KIAA1217: variants seen among roughly 807,000 people sequenced by gnomAD.
KIAA1217 encodes KIAA1217.
KIAA1217 carries 88 observed loss-of-function variants against 163.9 expected under a neutral mutation model. The ratio of observed to expected loss-of-function variants is 0.54; its 90% CI spans 0.45 to 0.64. KIAA1217 has a LOEUF of 0.64. KIAA1217 is among the 30% of genes least tolerant of loss of function. The pLI is 0.00. For synonymous variants in KIAA1217, 903 were observed against 923.1 expected (o/e 0.98, Z 0.39); for missense variants, 2,372 against 2,475.0 (o/e 0.96, Z 0.88).
intron 2 of KIAA1217, among the ~76,000 whole-genome samples, chr10:24,291,508 C>T (rs145943010): frequency 6.6e-6 from 1 of 152,218 alleles, no homozygotes; most frequent in East Asian, 1.9e-4. Flanking sequence ...CCAGCTTGGG[C>T]AACAAGAGTG....
chr10:24,088,811 G>A (rs149945385), intron 2 of KIAA1217, among the ~76,000 whole-genome samples: 2,011 of 124,544 alleles, frequency 0.016, 605 homozygotes, highest in Middle Eastern at 0.054. Flanking sequence ...TATATATCCA[G>A]TAATGGGATG....
chr10:23,781,695 T>C (rs1393659371), intron 1 of KIAA1217, among the ~76,000 whole-genome samples: 1 of 152,226 alleles, frequency 6.6e-6, no homozygotes. Flanking sequence ...GAGAGTTCTG[T>C]GGCTTCAGAT....
At chr10:24,414,499 G>A (rs1377586760) in intron 3 of KIAA1217, among the ~76,000 whole-genome samples, 1 of 152,156 alleles carries the variant, frequency 6.6e-6, no homozygotes, top group Non-Finnish European at 1.5e-5. Flanking sequence ...TACTTATAGG[G>A]TTGATTGCTT....
intron 1 of KIAA1217, among the ~76,000 whole-genome samples, chr10:23,792,275 C>T (rs796146375): frequency 6.6e-6 from 1 of 152,128 alleles, no homozygotes; most frequent in Non-Finnish European, 1.5e-5. Flanking sequence ...CCAAGCTATG[C>T]TTTAGATGTC....
chr10:24,303,924 T>C (rs1472839279), intron 2 of KIAA1217, among the ~76,000 whole-genome samples: 1 of 152,160 alleles, frequency 6.6e-6, no homozygotes, highest in African/African-American at 2.4e-5. Flanking sequence ...AAAAAGACCA[T>C]TGGAAAGAAA....
intron 2 of KIAA1217, among the ~76,000 whole-genome samples, chr10:24,295,112 T>C (rs1233734565): frequency 6.6e-6 from 1 of 152,220 alleles, no homozygotes; most frequent in Admixed American, 6.5e-5. Flanking sequence ...TAAGACCTCC[T>C]CTTCTGAGAA....
intron 2 of KIAA1217, among the ~76,000 whole-genome samples, chr10:24,268,003 T>C (rs1486527590): frequency 6.6e-6 from 1 of 152,214 alleles, no homozygotes; most frequent in Non-Finnish European, 1.5e-5. Flanking sequence ...AACTGGCCCT[T>C]TAACTTTGTT....
chr10:24,014,160 G>T (rs1376237227), intron 2 of KIAA1217, among the ~76,000 whole-genome samples: 1 of 151,994 alleles, frequency 6.6e-6, no homozygotes, highest in South Asian at 2.1e-4. Context: ...CTGTCTCCTG[G>T]CTACCCAGAA....
chr10:24,240,462 T>C (rs914126645), intron 2 of KIAA1217, among the ~76,000 whole-genome samples: 3 of 152,236 alleles, frequency 2.0e-5, no homozygotes, highest in Non-Finnish European at 4.4e-5. Context: ...AGTTAGATAA[T>C]GTGGATTAAT....
intron 8 of KIAA1217, among the ~76,000 whole-genome samples, chr10:24,498,454 A>G (rs1255056979): frequency 2.0e-5 from 3 of 152,188 alleles, no homozygotes; most frequent in African/African-American, 4.8e-5. Context: ...TGAAGGAGCT[A>G]TGACATGTAC....
chr10:24,347,721 G>C (rs2047963309), intron 2 of KIAA1217, among the ~76,000 whole-genome samples: 1 of 152,132 alleles, frequency 6.6e-6, no homozygotes, highest in Admixed American at 6.5e-5. Flanking sequence ...TACATTAAAA[G>C]ATACAACAAA....
At chr10:24,124,333 T>C (rs2063389710) in intron 2 of KIAA1217, among the ~76,000 whole-genome samples, 1 of 152,150 alleles carries the variant, frequency 6.6e-6, no homozygotes, top group South Asian at 2.1e-4. Flanking sequence ...TTACTTGTTT[T>C]AGAAGTTTGT....
intron 1 of KIAA1217, among the ~76,000 whole-genome samples, chr10:23,805,436 A>G (rs1836688852): frequency 6.6e-6 from 1 of 152,182 alleles, no homozygotes; most frequent in Non-Finnish European, 1.5e-5. Context: ...TGGAAGACCA[A>G]ATACTATATG....
intron 1 of KIAA1217, among the ~76,000 whole-genome samples, chr10:23,918,741 C>T (rs879548094): frequency 0.024 from 3,681 of 150,504 alleles, 91 homozygotes; most frequent in East Asian, 0.073. Context: ...TATACACACA[C>T]ACACACACAC....
chr10:24,433,266 G>GA, intron 4 of KIAA1217, 73 bp downstream of exon 4: 1 of 1,230,126 alleles, frequency 8.1e-7, no homozygotes, highest in Non-Finnish European at 1.1e-6. Context: ...TTTTGTTTTT[G>GA]AGGGGTTTTT....
chr10:23,802,654 G>A (rs139650680), intron 1 of KIAA1217, among the ~76,000 whole-genome samples: 173 of 152,294 alleles, frequency 1.1e-3, no homozygotes, highest in East Asian at 5.0e-3. Context: ...TTTTGAAGCC[G>A]TATATACTGA....
intron 1 of KIAA1217, among the ~76,000 whole-genome samples, chr10:23,731,712 T>C (rs983155590): frequency 2.0e-5 from 3 of 151,026 alleles, no homozygotes; most frequent in African/African-American, 7.4e-5. Context: ...TTTCTCACCA[T>C]TAAGTATAAG....
chr10:23,990,110 C>T (rs1846156020), intron 1 of KIAA1217, among the ~76,000 whole-genome samples: 2 of 152,126 alleles, frequency 1.3e-5, no homozygotes, highest in South Asian at 4.1e-4. Flanking sequence ...TTTGATGAAG[C>T]TTATGAATGC....
chr10:23,944,080 G>A (rs375580675), intron 1 of KIAA1217, among the ~76,000 whole-genome samples: 12 of 152,240 alleles, frequency 7.9e-5, no homozygotes, highest in African/African-American at 2.9e-4. Flanking sequence ...TTGACAAATT[G>A]GACTTTACCA....
Sources: gnomAD v4.1 joint callset for allele counts (sites outside exome capture counted in the v4.1 genomes callset) on GRCh38, gnomAD v4.1.1 for gene constraint, MANE v1.5 for transcripts, NCBI Gene and HGNC (gene_info 2026-07-23, HGNC 2026-07-21) for gene names.